Variants in RAP1GAP observed in about 807,000 individuals in gnomAD.
RAP1GAP encodes the protein rap1 GTPase-activating protein 1.
RAP1GAP carries 35 observed loss-of-function variants against 87.2 expected under a neutral mutation model. The ratio of observed to expected loss-of-function variants is 0.40; its 90% CI spans 0.31 to 0.53. The LOEUF (loss-of-function observed/expected upper bound fraction) is 0.53, where lower values mean the gene tolerates loss of function less well. Among genes scored for constraint, RAP1GAP ranks in the 20% least tolerant of loss-of-function variants. The pLI is 0.48. For missense variants in RAP1GAP, 734 were observed against 898.9 expected (o/e 0.82, Z 2.35); for synonymous variants, 375 against 363.9 (o/e 1.03, Z -0.35).
chr1:21,611,369 G>C (rs2078160790), intron 13 of RAP1GAP, 83 bp downstream of exon 13: 1 of 1,511,582 alleles, frequency 6.6e-7, no homozygotes, highest in Non-Finnish European at 8.9e-7. Context: ...CCAGCGCTGA[G>C]CCTGGCGTGA....
chr1:21,657,720 C>T (rs72660352), intron 1 of RAP1GAP, among the ~76,000 whole-genome samples: 11,014 of 152,226 alleles, frequency 0.072, 557 homozygotes, highest in East Asian at 0.24. Flanking sequence ...GCTGGGCTGG[C>T]GGAGTCCTGA....
At chr1:21,621,437 G>C (rs2087440058) in intron 3 of RAP1GAP, among the ~76,000 whole-genome samples, 1 of 152,184 alleles carries the variant, frequency 6.6e-6, no homozygotes, top group Admixed American at 6.5e-5. Context: ...ACAGAGCTCT[G>C]GGAAGGGTCA....
In RAP1GAP at chr1:21,622,621, G is replaced by A. The variant is rs2089316175; in HGVS notation, c.-18-2571C>T. 6.8e-6 allele frequency: 1 copy of A among 146,526 alleles called. No individual in the cohort carries two copies. 9.1% of individuals were successfully genotyped at this position (146,526 alleles called of 1,614,324 possible). A position where few individuals can be genotyped will look rare whatever the true frequency, so the allele number is the denominator to read the frequency against. ...GGTACGGGCGGCACGGCGCGGGGCG[G>A]GGCGGGGCGGGGGCGCTGAAGCCAC... On this transcript the variant is annotated intron_variant, in intron 3 of 24. Transcript: ENST00000374765. The surrounding 1 kb of genome is among the most constrained non-coding windows in gnomAD (Gnocchi z 5.7).
chr1:21,665,436 C>A, intron 1 of RAP1GAP: 1 of 301,522 alleles, frequency 3.3e-6, no homozygotes, highest in South Asian at 2.8e-5. Context: ...GTGCCTGTCA[C>A]AGTCCCTGGG....
intron 2 of RAP1GAP, among the ~76,000 whole-genome samples, chr1:21,632,522 G>T (rs1557087): frequency 0.79 from 119,939 of 152,124 alleles, 47,958 homozygotes; most frequent in East Asian, 0.97. Context: ...CAATAAGGCC[G>T]TGAGCAGCAG....
intron 2 of RAP1GAP, among the ~76,000 whole-genome samples, chr1:21,636,914 AAGGG>A (rs1217233454): frequency 0.14 from 14,467 of 102,322 alleles, 1,151 homozygotes; most frequent in African/African-American, 0.2. Flanking sequence ...GGAAGGAAGG[AAGGG>A]AGGGAGGGAG....
Position 21,608,358 on chromosome 1 carries a change from C to T in RAP1GAP, c.1159-8G>A. 3.1e-6 allele frequency: 5 copies of T among 1,611,660 alleles called. No homozygotes were observed. Among genetic ancestry groups the T allele is most frequent in the Non-Finnish European group, 4.2e-6 (5 of 1,179,088 alleles). On this transcript the variant is annotated splice_region_variant and splice_polypyrimidine_tract_variant and intron_variant, in intron 16 of 24. Transcript: ENST00000374765. ...GGCGGCCCGCGTCCGCTCCTGTGGG[C>T]CAGGCCCGGGCCGTCAGGAGGGACC...
intron 10 of RAP1GAP, among the ~76,000 whole-genome samples, chr1:21,612,373 T>C (rs1391946746): frequency 2.6e-5 from 4 of 152,240 alleles, no homozygotes; most frequent in South Asian, 4.1e-4. Context: ...AAAGCTTAAG[T>C]TCATCGCTCC....
In RAP1GAP at chr1:21,602,847, T is replaced by C; in HGVS notation, c.1495A>G (p.Ser499Gly). ...KSGPFGSRRS[S>G]AIGIENIQEV... The stretch of plus-strand genomic sequence containing the variant: ...TGTATGTTCTCGATGCCAATGGCGC[T>C]GCTGCGGCGGGAGCCGAACGGGCCC... The change falls in exon 19 of 25, where the codon AGC becomes GGC. Residue 499 changes from serine to glycine, a missense_variant. Coordinates refer to ENST00000374765, the MANE Select transcript of RAP1GAP (RefSeq NM_002885.4). The C allele has an allele frequency of 6.2e-7, 1 of 1,611,146 alleles. No homozygotes were observed. Among genetic ancestry groups the C allele is most frequent in the Non-Finnish European group, 8.5e-7 (1 of 1,179,732 alleles).
At chr1:21,656,417 T>A (rs1400411253) in intron 1 of RAP1GAP, among the ~76,000 whole-genome samples, 6 of 96,172 alleles carry the variant, frequency 6.2e-5, no homozygotes, top group East Asian at 2.6e-4. Flanking sequence ...AGACTCCATC[T>A]AAAAAAAAAA....
intron 2 of RAP1GAP, among the ~76,000 whole-genome samples, chr1:21,643,556 C>CAAAAAAAAAAAAAA (rs58359978): frequency 4.5e-5 from 3 of 66,476 alleles, no homozygotes; most frequent in Non-Finnish European, 6.1e-5. Context: ...GACTCCGTCT[C>CAAAAAAAAAAAAAA]AAAAAAAAAA....
intron 2 of RAP1GAP, among the ~76,000 whole-genome samples, chr1:21,631,798 G>T (rs1281516018): frequency 6.6e-6 from 1 of 152,172 alleles, no homozygotes; most frequent in East Asian, 1.9e-4. Context: ...GCCCCAGGTC[G>T]CACAATGGGA....
rs751347509 is a variant in RAP1GAP at position 21,598,019 on chromosome 1, G to C, written c.1925C>G (p.Pro642Arg). Residue 642 changes from proline (P) to arginine (R), a missense_variant, in exon 23 of 25, where the codon CCT becomes CGT. This residue lies in a region of RAP1GAP where 249 missense variants were observed against 252.7 expected (regional missense o/e 0.99). Coordinates refer to ENST00000374765, the MANE Select transcript of RAP1GAP (RefSeq NM_002885.4). ...PHPDAGKLGD[P>R]ACPEIKIQLE... Reference sequence around the variant, plus strand: ...CTGGATCTTGATCTCGGGACACGCAGGGTCCCCCAACTTGCCGGCGTCTGG... The same window carrying C: ...CTGGATCTTGATCTCGGGACACGCACGGTCCCCCAACTTGCCGGCGTCTGG... 10 of 1,584,510 alleles carry C rather than the reference G, an allele frequency of 6.3e-6. 1 individual carries two copies. The South Asian group carries it at 1.0e-4, about 16-fold the overall frequency.
chr1:21,645,681 G>A (rs1251275000), intron 2 of RAP1GAP, among the ~76,000 whole-genome samples: 1 of 152,282 alleles, frequency 6.6e-6, no homozygotes, highest in South Asian at 2.1e-4. Flanking sequence ...GGCGGCCATG[G>A]GCTCAGGAAG....
intron 6 of RAP1GAP, 100 bp downstream of exon 6, chr1:21,617,834 G>A (rs1368334852): frequency 8.6e-6 from 13 of 1,512,934 alleles, no homozygotes; most frequent in South Asian, 7.9e-5. Flanking sequence ...AGCAAGGCCT[G>A]CAGGTCAGGC....
In RAP1GAP at chr1:21,622,289, T is replaced by A. The variant is rs1420418989; in HGVS notation, c.-18-2239A>T. ...CGGCCGGGCTCCCCAGCAGTCGGGG[T>A]GACCCAGCCCCGGGGTCCCTCCGCC... is the stretch of plus-strand genomic sequence containing the variant. On this transcript the variant is annotated intron_variant, in intron 3 of 24. Coordinates refer to ENST00000374765, the MANE Select transcript of RAP1GAP (RefSeq NM_002885.4). The surrounding 1 kb of genome is among the most constrained non-coding windows in gnomAD (Gnocchi z 5.7). 2.1e-6 allele frequency: 1 copy of A among 487,774 alleles called. No individual in the cohort carries two copies. Among genetic ancestry groups the A allele is most frequent in the Non-Finnish European group, 3.6e-6 (1 of 274,698 alleles). The allele number at this position is 487,774 out of a possible 1,614,324, so 30.2% of individuals were successfully genotyped here. A position where few individuals can be genotyped will look rare whatever the true frequency, so the allele number is the denominator to read the frequency against.
chr1:21,648,521 T>G (rs2096281072), intron 2 of RAP1GAP, among the ~76,000 whole-genome samples: 1 of 148,018 alleles, frequency 6.8e-6, no homozygotes, highest in African/African-American at 2.5e-5. Context: ...GAGATAATAG[T>G]CCCTAACTCT....
chr1:21,665,843 C>T (rs2097326092), intron 1 of RAP1GAP, among the ~76,000 whole-genome samples: 1 of 152,202 alleles, frequency 6.6e-6, no homozygotes, highest in African/African-American at 2.4e-5. Flanking sequence ...CCAGAGGCTG[C>T]ACTCTGCAGG....
intron 16 of RAP1GAP, among the ~76,000 whole-genome samples, chr1:21,608,572 C>T (rs1284604513): frequency 2.6e-5 from 4 of 151,380 alleles, no homozygotes; most frequent in African/African-American, 9.7e-5. Flanking sequence ...CCTTCAAGAT[C>T]TGGCTTCATG....
Sources: allele counts gnomAD v4.1 joint callset (sites outside exome capture counted in the v4.1 genomes callset), GRCh38; gene constraint gnomAD v4.1.1; regional missense constraint gnomAD v4.1.1; non-coding constraint Gnocchi (gnomAD v3.1); transcripts MANE v1.5; gene names NCBI Gene and HGNC (gene_info 2026-07-23, HGNC 2026-07-21).